The following MGST1 variants were observed in gnomAD, a reference collection of about 807,000 sequenced individuals.
MGST1 encodes glutathione S-transferase 12.
A neutral mutation model predicts 8.9 loss-of-function variants in MGST1; 5 were observed. The ratio of observed to expected loss-of-function variants is 0.56; its 90% CI spans 0.29 to 1.19. The LOEUF (loss-of-function observed/expected upper bound fraction) is 1.19. Among genes scored for constraint, MGST1 ranks in the 50% most tolerant of loss-of-function variants. The pLI is 0.08. For missense variants in MGST1, 182 were observed against 187.4 expected (o/e 0.97, Z 0.17); for synonymous variants, 54 against 67.8 (o/e 0.80, Z 1.00).
chr12:16,426,263 C>T (rs1215695842), intron 1 of MGST1, among the ~76,000 whole-genome samples: 2 of 152,188 alleles, frequency 1.3e-5, no homozygotes, highest in Non-Finnish European at 2.9e-5. Context: ...CCTAAGCATA[C>T]ACTATACTTC....
At chr12:16,541,958 A>T (rs1045174137) in intron 4 of MGST1, among the ~76,000 whole-genome samples, 5 of 152,188 alleles carry the variant, frequency 3.3e-5, no homozygotes, top group African/African-American at 1.2e-4. Context: ...GATAGCCTAG[A>T]CAGTCCAAGT....
In MGST1 at chr12:16,420,271, G is replaced by A. The variant is rs1175831549; in HGVS notation, n.779-17117G>A. 2.0e-5 allele frequency among the ~76,000 whole-genome samples: 3 copies of A among 152,128 alleles called. No homozygotes were observed. The East Asian group carries it at 5.8e-4, about 29-fold the overall frequency. On this transcript the variant is annotated intron_variant and non_coding_transcript_variant, in intron 1 of 1. Transcript: ENST00000359720. ...CCATCTGAAGCAAAATGCACTAATT[G>A]AAGATTCAGATCTTTTGATTGAAGA...
chr12:16,412,760 T>A (rs1449446634), intron 1 of MGST1, among the ~76,000 whole-genome samples: 1 of 152,216 alleles, frequency 6.6e-6, no homozygotes, highest in Non-Finnish European at 1.5e-5. Context: ...CTGCCATGAT[T>A]GTGAGGCCTC....
downstream of MGST1, among the ~76,000 whole-genome samples, chr12:16,378,145 A>G (rs28818497): frequency 0.6 from 91,632 of 151,658 alleles, 28,463 homozygotes; most frequent in East Asian, 0.96. Flanking sequence ...AAGCTCTTTC[A>G]TTTAATTAGA....
intron 4 of MGST1, among the ~76,000 whole-genome samples, chr12:16,524,421 T>G (rs1206891548): frequency 1.3e-5 from 2 of 152,016 alleles, no homozygotes; most frequent in African/African-American, 2.4e-5. Flanking sequence ...TTTCTTGAGA[T>G]CTGAATGAAC....
intron 4 of MGST1, among the ~76,000 whole-genome samples, chr12:16,538,608 CTT>C (rs35801123): frequency 9.7e-4 from 124 of 128,160 alleles, no homozygotes; most frequent in East Asian, 1.8e-3. Flanking sequence ...AAAGGCACTT[CTT>C]TTTTTTTTTT....
intron 4 of MGST1, among the ~76,000 whole-genome samples, chr12:16,553,896 G>C (rs1317080478): frequency 6.6e-6 from 1 of 150,530 alleles, no homozygotes; most frequent in Non-Finnish European, 1.5e-5. Flanking sequence ...TATGAAAGGA[G>C]TGATAGCCAG....
At chr12:16,518,051 T>C (rs1941625701) in intron 4 of MGST1, among the ~76,000 whole-genome samples, 1 of 152,184 alleles carries the variant, frequency 6.6e-6, no homozygotes, top group South Asian at 2.1e-4. Context: ...CAGACAGTCT[T>C]CCCATGGTGA....
intron 1 of MGST1, among the ~76,000 whole-genome samples, chr12:16,391,339 C>G (rs1940551707): frequency 6.6e-6 from 1 of 150,986 alleles, no homozygotes; most frequent in Non-Finnish European, 1.5e-5. Context: ...CCGACAGGCC[C>G]TGGTGTGTGA....
At chr12:16,367,066 C>T (rs1179089164), downstream of MGST1, among the ~76,000 whole-genome samples, 1 of 152,126 alleles carries the variant, frequency 6.6e-6, no homozygotes, top group Admixed American at 6.6e-5. Flanking sequence ...ATAGGTGGGA[C>T]ATCTGTAAGA....
At chr12:16,356,470 C>A (rs9332909) in intron 2 of MGST1, among the ~76,000 whole-genome samples, 156 of 152,132 alleles carry the variant, frequency 1.0e-3, no homozygotes, top group African/African-American at 3.5e-3. Context: ...TGGGCAGTAT[C>A]CCAGCCCTGT....
intron 4 of MGST1, among the ~76,000 whole-genome samples, chr12:16,459,902 T>A (rs952963547): frequency 6.6e-6 from 1 of 152,122 alleles, no homozygotes; most frequent in Non-Finnish European, 1.5e-5. Flanking sequence ...AGAGGAATAA[T>A]GACCCACATA....
At chr12:16,379,628 C>T (rs1940430275), downstream of MGST1, among the ~76,000 whole-genome samples, 1 of 152,116 alleles carries the variant, frequency 6.6e-6, no homozygotes, top group Admixed American at 6.5e-5. Flanking sequence ...TGTGTCTCTG[C>T]CTGGCTTTGG....
intron 4 of MGST1, among the ~76,000 whole-genome samples, chr12:16,478,886 T>A (rs1190485251): frequency 6.6e-6 from 1 of 152,168 alleles, no homozygotes; most frequent in East Asian, 1.9e-4. Context: ...CACAGTGTTG[T>A]ACACTGCCTC....
chr12:16,409,920 A>G (rs1277926715), intron 1 of MGST1, among the ~76,000 whole-genome samples: 1 of 152,314 alleles, frequency 6.6e-6, no homozygotes, highest in East Asian at 1.9e-4. Flanking sequence ...AGCCACTCAG[A>G]TAACATATAT....
At chr12:16,404,446 A>G (rs1037042644) in intron 1 of MGST1, among the ~76,000 whole-genome samples, 6 of 152,000 alleles carry the variant, frequency 3.9e-5, no homozygotes, top group African/African-American at 1.2e-4. Context: ...AACTGCTGAT[A>G]TATTTGAATT....
chr12:16,395,314 C>T (rs545022918), intron 1 of MGST1, among the ~76,000 whole-genome samples: 12 of 152,032 alleles, frequency 7.9e-5, no homozygotes, highest in Admixed American at 4.6e-4. Flanking sequence ...CATATATGTC[C>T]GTGTACTTTT....
intron 4 of MGST1, among the ~76,000 whole-genome samples, chr12:16,459,216 T>C (rs1343707070): frequency 6.6e-6 from 1 of 152,064 alleles, no homozygotes; most frequent in Admixed American, 6.6e-5. Context: ...GATAGTAAAC[T>C]CTTGAAGATT....
At chr12:16,432,729 CACAGAG>C (rs1232829224) in intron 1 of MGST1, among the ~76,000 whole-genome samples, 3 of 131,082 alleles carry the variant, frequency 2.3e-5, no homozygotes, top group African/African-American at 8.5e-5. Flanking sequence ...CACACACACA[CACAGAG>C]AGAGAGAATA....
Sources: allele counts gnomAD v4.1 joint callset (sites outside exome capture counted in the v4.1 genomes callset), GRCh38; gene constraint gnomAD v4.1.1; transcripts MANE v1.5; gene names NCBI Gene and HGNC (gene_info 2026-07-23, HGNC 2026-07-21).